The following GFPT1 variants were observed in gnomAD, a reference collection of about 807,000 sequenced individuals.
The protein encoded by GFPT1 is glutamine--fructose-6-phosphate aminotransferase [isomerizing] 1.
In GFPT1, 40 loss-of-function variants were observed where a neutral mutation model predicts 92.0. That is an observed-to-expected ratio of 0.43 (90% CI 0.34 to 0.57). The LOEUF (loss-of-function observed/expected upper bound fraction) is 0.57. Among genes scored for constraint, GFPT1 ranks in the 20% least tolerant of loss-of-function variants. The probability of loss-of-function intolerance (pLI) is 0.02; values close to 1 mark genes in which losing one functional copy is unlikely to be tolerated. For missense variants in GFPT1, 448 were observed against 869.1 expected, an observed-to-expected ratio of 0.52 and a Z score of 6.09; for synonymous variants, 269 against 280.6, an observed-to-expected ratio of 0.96 and a Z score of 0.41.
At chr2:69,338,170 T>C in intron 14 of GFPT1, 115 bp from the exon 15 acceptor site, 1 of 959,654 alleles carries the variant, frequency 1.0e-6, no homozygotes, top group Admixed American at 1.7e-5. Context: ...TTAAATAAAA[T>C]ACAAAACATC....
At chr2:69,357,348 A>C (rs1454436792) in intron 6 of GFPT1, among the ~76,000 whole-genome samples, 2 of 152,248 alleles carry the variant, frequency 1.3e-5, no homozygotes, top group African/African-American at 4.8e-5. Flanking sequence ...CATGCACACC[A>C]TACAACTCCA....
At chr2:69,360,079 G>C (rs527823527) in intron 4 of GFPT1, among the ~76,000 whole-genome samples, 2 of 152,256 alleles carry the variant, frequency 1.3e-5, no homozygotes, top group South Asian at 2.1e-4. Flanking sequence ...TGTAATCCCA[G>C]CACTTTAAGA....
chr2:69,323,170 CACTT>C lies in GFPT1; in HGVS notation c.*3015_*3018del, dbSNP rs1321156131. Reference sequence around the variant, plus strand: ...GAAAAACTGATTCCAATGTAATAATCACTTACTGGGCCACACGCTAGATGACAGA... The same window carrying C: ...GAAAAACTGATTCCAATGTAATAATCACTGGGCCACACGCTAGATGACAGA... On this transcript the variant is annotated 3_prime_UTR_variant, in exon 20 of 20. Transcript: ENST00000357308. 6.6e-6 allele frequency: 1 copy of C among 152,122 alleles called. No individual in the cohort carries two copies. The highest frequency in any genetic ancestry group is 2.1e-4 in the South Asian group (1 of 4,826). 9.4% of individuals were successfully genotyped at this position (152,122 alleles called of 1,614,324 possible).
chr2:69,380,299 G>A (rs556670942), intron 1 of GFPT1, among the ~76,000 whole-genome samples: 6 of 152,212 alleles, frequency 3.9e-5, no homozygotes, highest in Admixed American at 6.5e-5. Flanking sequence ...CCGAGATTGC[G>A]CCACTGCACT....
chr2:69,328,763 T>A (rs1422297152), intron 17 of GFPT1, among the ~76,000 whole-genome samples: 3 of 148,272 alleles, frequency 2.0e-5, no homozygotes, highest in African/African-American at 7.5e-5. Flanking sequence ...TACAGTGGTG[T>A]GATCTCGGCT....
chr2:69,331,153 G>A (rs528999275), intron 15 of GFPT1, among the ~76,000 whole-genome samples: 21 of 152,248 alleles, frequency 1.4e-4, no homozygotes, highest in African/African-American at 5.1e-4. Flanking sequence ...GAAATACTGA[G>A]AATTATCTCT....
intron 12 of GFPT1, among the ~76,000 whole-genome samples, chr2:69,342,503 C>A (rs1670977376): frequency 6.6e-6 from 1 of 152,312 alleles, no homozygotes; most frequent in South Asian, 2.1e-4. Context: ...GTATTTATTA[C>A]ATTCTACCTT....
intron 7 of GFPT1, 69 bp from the exon 8 acceptor site, chr2:69,354,637 A>C: frequency 2.3e-6 from 2 of 864,532 alleles, no homozygotes; most frequent in Non-Finnish European, 4.0e-6. Context: ...ATAAAATTTA[A>C]TGGGCCAATA....
At chr2:69,379,261 C>T (rs1405447527) in intron 1 of GFPT1, among the ~76,000 whole-genome samples, 1 of 152,146 alleles carries the variant, frequency 6.6e-6, no homozygotes, top group Non-Finnish European at 1.5e-5. Context: ...GGCACAGTAG[C>T]AGATACCTGT....
intron 1 of GFPT1, among the ~76,000 whole-genome samples, chr2:69,380,246 A>T (rs2104699815): frequency 6.6e-6 from 1 of 152,214 alleles, no homozygotes; most frequent in South Asian, 2.1e-4. Flanking sequence ...CTGAGGCAGA[A>T]GAATCACTTG....
Position 69,377,496 on chromosome 2 carries a change from AAT to A in GFPT1, c.8-3385_8-3384del, listed in dbSNP as rs774702416. ...AAACCCCGTCTCTACTAAAAATAAA[AAT>A]AAAAAAAAAAAAATAGCCAGCTGTG... On this transcript the variant is annotated intron_variant, in intron 1 of 19. Coordinates refer to ENST00000357308, the MANE Select transcript of GFPT1 (RefSeq NM_001244710.2). 6.8e-4 allele frequency among the ~76,000 whole-genome samples: 102 copies of A among 150,968 alleles called. 1 individual carries two copies. The highest frequency in any genetic ancestry group is 2.3e-3 in the African/African-American group (95 of 41,134).
At chr2:69,386,478 G>A (rs1472990115) in intron 1 of GFPT1, among the ~76,000 whole-genome samples, 1 of 152,178 alleles carries the variant, frequency 6.6e-6, no homozygotes, top group Non-Finnish European at 1.5e-5. Flanking sequence ...TTCCACCAGA[G>A]GATCAGGTCT....
At chr2:69,370,907 G>A (rs1340119543) in intron 2 of GFPT1, among the ~76,000 whole-genome samples, 1 of 151,814 alleles carries the variant, frequency 6.6e-6, no homozygotes, top group African/African-American at 2.4e-5. Context: ...GGCTGAGGCA[G>A]GAGAATGGCT....
chr2:69,369,914 T>TG, intron 3 of GFPT1, 87 bp downstream of exon 3: 1 of 818,750 alleles, frequency 1.2e-6, no homozygotes. Flanking sequence ...TCCCAAAATA[T>TG]GGGGGGAGGG....
intron 2 of GFPT1, chr2:69,371,390 T>G (rs1221212310): frequency 1.3e-5 from 2 of 151,906 alleles, no homozygotes; most frequent in African/African-American, 4.8e-5. Flanking sequence ...CAGTTCAATT[T>G]TTGAACATGC....
intron 17 of GFPT1, among the ~76,000 whole-genome samples, chr2:69,328,727 G>A (rs1670590817): frequency 7.8e-6 from 1 of 128,952 alleles, no homozygotes. Context: ...TTAAGACAGA[G>A]TCTTCTTCGA....
intron 15 of GFPT1, among the ~76,000 whole-genome samples, chr2:69,331,849 TCAATA>T (rs1361743324): frequency 6.6e-6 from 1 of 152,144 alleles, no homozygotes; most frequent in East Asian, 1.9e-4. Context: ...TAAAACGTAT[TCAATA>T]CAATACTATT....
rs1670449793 is a variant in GFPT1, at chr2:69,322,961, G to C, written c.*3228C>G. The C allele has an allele frequency of 6.6e-6, 1 of 152,118 alleles. No homozygotes were observed. The highest frequency in any genetic ancestry group is 1.5e-5 in the Non-Finnish European group (1 of 68,032). The allele number at this position is 152,118 out of a possible 1,614,324, so 9.4% of individuals were successfully genotyped here. A position where few individuals can be genotyped will look rare whatever the true frequency, so the allele number is the denominator to read the frequency against. ...AATGAACCTAGTCTTTGCTAGTGAT[G>C]AGTCCATCTGGGGACAAATACTGCT... is the stretch of plus-strand genomic sequence containing the variant. On this transcript the variant is annotated 3_prime_UTR_variant, in exon 20 of 20. Coordinates refer to ENST00000357308, the MANE Select transcript of GFPT1 (RefSeq NM_001244710.2).
chr2:69,329,280 G>C lies in GFPT1; in HGVS notation c.1725+17C>G, dbSNP rs1386967923. 2 of 1,612,090 alleles carry C rather than the reference G, an allele frequency of 1.2e-6. No individual in the cohort carries two copies. The highest frequency in any genetic ancestry group is 8.5e-7 in the Non-Finnish European group (1 of 1,178,262). On this transcript the variant is annotated intron_variant, in intron 17 of 19. Coordinates refer to ENST00000357308, the MANE Select transcript of GFPT1 (RefSeq NM_001244710.2). Reference sequence around the variant, plus strand: ...CAGGTCAATGGACTGATACTAATTAGAACTGAGAAAACTTACCAGTGCCCC... The same window carrying C: ...CAGGTCAATGGACTGATACTAATTACAACTGAGAAAACTTACCAGTGCCCC...
Sources: allele counts gnomAD v4.1 joint callset (sites outside exome capture counted in the v4.1 genomes callset), GRCh38; gene constraint gnomAD v4.1.1; transcripts MANE v1.5; gene names NCBI Gene and HGNC (gene_info 2026-07-23, HGNC 2026-07-21).